CLTB: variants seen among roughly 807,000 people sequenced by gnomAD.
CLTB encodes the protein clathrin light chain B, also known as clathrin, light chain (Lcb).
A neutral mutation model predicts 30.5 loss-of-function variants in CLTB; 10 were observed. That is an observed-to-expected ratio of 0.33 (90% CI 0.20 to 0.56). CLTB has a LOEUF of 0.56. CLTB is among the 20% of genes least tolerant of loss of function. CLTB has a pLI of 0.91. For synonymous variants in CLTB, 102 were observed against 120.3 expected (o/e 0.85, Z 1.00); for missense variants, 261 against 308.3 (o/e 0.85, Z 1.15).
intron 1 of CLTB, 120 bp from the exon 2 acceptor site, chr5:176,410,423 T>C (rs1183267700): frequency 4.2e-6 from 3 of 715,990 alleles, no homozygotes; most frequent in African/African-American, 1.8e-5. Flanking sequence ...TCGACCCACA[T>C]GCAAACAGAC....
intron 2 of CLTB, among the ~76,000 whole-genome samples, chr5:176,409,053 C>A (rs948738496): frequency 1.3e-5 from 2 of 151,838 alleles, no homozygotes; most frequent in East Asian, 2.0e-4. Flanking sequence ...CTCGGCTCAC[C>A]GCAACCTCCC....
chr5:176,404,583 T>A (rs984553505), intron 2 of CLTB, among the ~76,000 whole-genome samples: 12 of 152,236 alleles, frequency 7.9e-5, no homozygotes, highest in African/African-American at 2.9e-4. Flanking sequence ...GGAACAGCCT[T>A]AAGGAAACTC....
At chr5:176,402,140 TA>T (rs903772440) in intron 2 of CLTB, among the ~76,000 whole-genome samples, 1 of 151,878 alleles carries the variant, frequency 6.6e-6, no homozygotes, top group African/African-American at 2.4e-5. Context: ...CCATCTCTAC[TA>T]AAATACAAAA....
chr5:176,400,017 C>T (rs781325798), intron 2 of CLTB, among the ~76,000 whole-genome samples: 24 of 152,020 alleles, frequency 1.6e-4, no homozygotes, highest in Non-Finnish European at 3.1e-4. Flanking sequence ...CATGGTGAAA[C>T]CCCATCTCTA....
chr5:176,392,598 G>T lies in CLTB; in HGVS notation c.*176C>A. ...GAGGCGTGAGGGGCTGGACCAGAGGGCCAGGAGGGAGCGAGGCGTGATGGG... is the reference window on the plus strand; with the variant it reads ...GAGGCGTGAGGGGCTGGACCAGAGGTCCAGGAGGGAGCGAGGCGTGATGGG... On this transcript the variant is annotated 3_prime_UTR_variant, in exon 6 of 6. Coordinates refer to ENST00000310418, the MANE Select transcript of CLTB (RefSeq NM_007097.5). The surrounding 1 kb of genome is among the most constrained non-coding windows in gnomAD (Gnocchi z 5.2). 1.6e-6 allele frequency: 1 copy of T among 643,404 alleles called. No homozygotes were observed. Among genetic ancestry groups the T allele is most frequent in the Non-Finnish European group, 2.7e-6 (1 of 371,376 alleles). 39.9% of individuals were successfully genotyped at this position (643,404 alleles called of 1,614,324 possible).
chr5:176,411,900 G>A (rs1189769430), intron 1 of CLTB, among the ~76,000 whole-genome samples: 1 of 152,068 alleles, frequency 6.6e-6, no homozygotes, highest in Non-Finnish European at 1.5e-5. Flanking sequence ...TTTTGGGCCG[G>A]GCGTGGTGGC....
chr5:176,408,303 G>A (rs575245309), intron 2 of CLTB, among the ~76,000 whole-genome samples: 2 of 151,984 alleles, frequency 1.3e-5, no homozygotes, highest in South Asian at 4.2e-4. Context: ...GGAGGCCGAG[G>A]TGGGTGGATC....
intron 2 of CLTB, among the ~76,000 whole-genome samples, chr5:176,398,592 A>G (rs984756058): frequency 1.3e-5 from 2 of 151,778 alleles, no homozygotes; most frequent in Non-Finnish European, 2.9e-5. Context: ...CATGCCTGTA[A>G]TCCCAGCTAC....
intron 1 of CLTB, among the ~76,000 whole-genome samples, chr5:176,411,947 T>A (rs559686465): frequency 2.0e-5 from 3 of 151,778 alleles, no homozygotes; most frequent in Admixed American, 2.0e-4. Context: ...GAGGCTGAGG[T>A]GGGCAGATCA....
chr5:176,401,609 C>G (rs1756820150), intron 2 of CLTB: 1 of 399,372 alleles, frequency 2.5e-6, no homozygotes. Context: ...CACATGGCAT[C>G]GAGACCTCAG....
chr5:176,397,884 CCA>C (rs1365113400), intron 3 of CLTB, 44 bp downstream of exon 3: 2 of 1,554,760 alleles, frequency 1.3e-6, no homozygotes, highest in South Asian at 2.2e-5. Flanking sequence ...ACACTCCACC[CCA>C]CACACAGCCC....
rs559686465 is a variant in CLTB at position 176,411,947 on chromosome 5, T to C, written c.188-1644A>G. Among the ~76,000 whole-genome samples, 119 of 151,892 alleles carry C rather than the reference T, an allele frequency of 7.8e-4. 2 individuals are homozygous for C. Among genetic ancestry groups the C allele is most frequent in the Admixed American group, 1.2e-3 (19 of 15,242 alleles). ...ATCCCAGCACTTTGGGAGGCTGAGG[T>C]GGGCAGATCACGAAGTCAGGAGATC... On this transcript the variant is annotated intron_variant, in intron 1 of 5. Coordinates refer to ENST00000310418, the MANE Select transcript of CLTB (RefSeq NM_007097.5).
intron 2 of CLTB, among the ~76,000 whole-genome samples, chr5:176,400,558 C>A (rs1216263199): frequency 6.6e-6 from 1 of 152,194 alleles, no homozygotes; most frequent in Non-Finnish European, 1.5e-5. Flanking sequence ...ACCCTCTGGT[C>A]TGGCAAAGCC....
chr5:176,403,384 C>A (rs1756930324), intron 2 of CLTB, among the ~76,000 whole-genome samples: 1 of 151,782 alleles, frequency 6.6e-6, no homozygotes, highest in Admixed American at 6.6e-5. Context: ...AGAGAACTTG[C>A]ATTTAAAGGG....
intron 1 of CLTB, among the ~76,000 whole-genome samples, chr5:176,414,772 G>A (rs1275998194): frequency 2.0e-5 from 3 of 152,078 alleles, no homozygotes; most frequent in African/African-American, 4.8e-5. Flanking sequence ...CTGGGCCACC[G>A]GTTTCTTGCA....
chr5:176,404,415 C>T (rs1756996972), intron 2 of CLTB, among the ~76,000 whole-genome samples: 2 of 152,232 alleles, frequency 1.3e-5, no homozygotes, highest in Admixed American at 6.5e-5. Context: ...TTTGGGGCAG[C>T]GGAGCGGAGC....
chr5:176,396,386 A>G, intron 5 of CLTB, 93 bp downstream of exon 5: 1 of 1,158,368 alleles, frequency 8.6e-7, no homozygotes, highest in Non-Finnish European at 1.3e-6. Context: ...GCCCAGCCAC[A>G]CTCATTTATA....
intron 2 of CLTB, among the ~76,000 whole-genome samples, chr5:176,402,716 G>A (rs1756887086): frequency 6.6e-6 from 1 of 152,220 alleles, no homozygotes; most frequent in Admixed American, 6.5e-5. Context: ...GGACGAGCAA[G>A]ACACCTTCCA....
chr5:176,393,755 G>A lies in CLTB; in HGVS notation c.519-810C>T, dbSNP rs1270700339. 2.0e-5 allele frequency among the ~76,000 whole-genome samples: 3 copies of A among 152,206 alleles called. No homozygotes were observed. In the East Asian group the frequency reaches 5.8e-4, roughly 29 times the overall value. ...TCAGAAGTTCTGGTTGACAGTCACA[G>A]AAGCCACTGACTAAGGGACAGTGGG... On this transcript the variant is annotated intron_variant, in intron 5 of 5. Coordinates refer to ENST00000310418, the MANE Select transcript of CLTB (RefSeq NM_007097.5). This position sits in a 1 kb window ranked among gnomAD's most constrained non-coding sequence, Gnocchi z 4.4.
Sources: allele counts gnomAD v4.1 joint callset (sites outside exome capture counted in the v4.1 genomes callset), GRCh38; gene constraint gnomAD v4.1.1; non-coding constraint Gnocchi (gnomAD v3.1); transcripts MANE v1.5; gene names NCBI Gene and HGNC (gene_info 2026-07-23, HGNC 2026-07-21).